SRP19: variants seen among roughly 807,000 people sequenced by gnomAD.
The protein encoded by SRP19 is signal recognition particle 19, also known as signal recognition particle 19 kDa protein.
A neutral mutation model predicts 22.4 loss-of-function variants in SRP19; 11 were observed. That is an observed-to-expected ratio of 0.49 (90% CI 0.31 to 0.81). SRP19 has a LOEUF of 0.81. Among genes scored for constraint, SRP19 ranks in the 40% least tolerant of loss-of-function variants. The probability of loss-of-function intolerance (pLI) is 0.05; values close to 1 mark genes in which losing one functional copy is unlikely to be tolerated. For missense variants in SRP19, 168 were observed against 175.9 expected, an observed-to-expected ratio of 0.96 and a Z score of 0.25; for synonymous variants, 61 against 57.6, an observed-to-expected ratio of 1.06 and a Z score of -0.27.
At chr5:112,878,741 A>C (rs770272571) in intron 4 of SRP19, 1 of 1,610,558 alleles carries the variant, frequency 6.2e-7, no homozygotes, top group Non-Finnish European at 8.5e-7. Flanking sequence ...ATCAAGCTCC[A>C]GTAGGAAGGT....
downstream of SRP19, among the ~76,000 whole-genome samples, chr5:112,871,184 T>G (rs1767750273): frequency 6.6e-6 from 1 of 151,534 alleles, no homozygotes; most frequent in East Asian, 1.9e-4. Context: ...ATTTCAGAAC[T>G]ATTGCTGTAA....
chr5:112,873,271 C>CTTTTTTTTTTTTTTTTTTT (rs35379154), downstream of SRP19, among the ~76,000 whole-genome samples: 2 of 50,720 alleles, frequency 3.9e-5, no homozygotes, highest in Non-Finnish European at 6.7e-5. Flanking sequence ...CTCAGGTTTT[C>CTTTTTTTTTTTTTTTTTTT]TTTTTTTTTT....
exon 5 of SRP19, chr5:112,892,861 AG>A (rs754337896): frequency 1.2e-6 from 2 of 1,612,836 alleles, no homozygotes; most frequent in South Asian, 1.1e-5. Flanking sequence ...GAGTAGTCAT[AG>A]GGGGAAGAAA....
At chr5:112,862,210 C>G (rs1767426061) in intron 1 of SRP19, among the ~76,000 whole-genome samples, 1 of 152,192 alleles carries the variant, frequency 6.6e-6, no homozygotes, top group African/African-American at 2.4e-5. Flanking sequence ...ACAGAATTTT[C>G]TAGGGTTTAA....
chr5:112,863,381 A>G (rs1767478790), intron 2 of SRP19, among the ~76,000 whole-genome samples: 1 of 152,130 alleles, frequency 6.6e-6, no homozygotes, highest in South Asian at 2.1e-4. Flanking sequence ...TAGCAGCACC[A>G]TTGCCGATTT....
chr5:112,865,557 A>G (rs1231269559), intron 4 of SRP19, among the ~76,000 whole-genome samples: 4 of 151,416 alleles, frequency 2.6e-5, no homozygotes, highest in Non-Finnish European at 5.9e-5. Flanking sequence ...CTGTCATTAA[A>G]TTTACTTAAA....
At chr5:112,884,843 A>C (rs1180299737) in intron 4 of SRP19, among the ~76,000 whole-genome samples, 2 of 151,366 alleles carry the variant, frequency 1.3e-5, no homozygotes, top group Non-Finnish European at 2.9e-5. Context: ...ATACTATCTA[A>C]TTTTCAATTT....
intron 4 of SRP19, chr5:112,876,843 T>G (rs1371547373): frequency 1.3e-5 from 2 of 152,146 alleles, no homozygotes; most frequent in African/African-American, 4.8e-5. Context: ...AAAATTGCAT[T>G]CAGAATTTAA....
chr5:112,895,255 A>AAAAAAAAAAAAAAAAAAC (rs1768647584), downstream of SRP19: 1 of 151,366 alleles, frequency 6.6e-6, no homozygotes, highest in Non-Finnish European at 1.5e-5. Context: ...AAAAAAAAAA[A>AAAAAAAAAAAAAAAAAAC]AAATCAGGAG....
In SRP19 at chr5:112,867,640, A is replaced by G. The variant is rs1767651109; in HGVS notation, c.*103A>G. 1 of 1,398,812 alleles carries G rather than the reference A, an allele frequency of 7.1e-7. No homozygotes were observed. The highest frequency in any genetic ancestry group is 1.4e-5 in the African/African-American group (1 of 69,536). The allele number at this position is 1,398,812 out of a possible 1,614,324, so 86.7% of individuals were successfully genotyped here. ...AGAAGCTTTTTGTTTGCATCATTTA[A>G]CTGAACTGTGAACCCTTGTGCCTCT... On this transcript the variant is annotated 3_prime_UTR_variant, in exon 5 of 5. Transcript: ENST00000505459.
chr5:112,887,479 C>G (rs930213931), intron 4 of SRP19, among the ~76,000 whole-genome samples: 6 of 152,064 alleles, frequency 3.9e-5, no homozygotes, highest in Non-Finnish European at 8.8e-5. Flanking sequence ...CTGTAAGAGG[C>G]TTTTATTAAT....
downstream of SRP19, among the ~76,000 whole-genome samples, chr5:112,871,335 GTC>G (rs1337095411): frequency 1.4e-5 from 2 of 146,266 alleles, no homozygotes; most frequent in South Asian, 2.1e-4. Flanking sequence ...TTTGAGACAG[GTC>G]TCTCTTTTTC....
chr5:112,880,966 TA>T (rs897568488), intron 4 of SRP19, among the ~76,000 whole-genome samples: 1 of 151,794 alleles, frequency 6.6e-6, no homozygotes, highest in African/African-American at 2.4e-5. Flanking sequence ...GTGTCTCTAC[TA>T]AAAATACAAG....
chr5:112,871,746 G>A (rs1767767376), downstream of SRP19, among the ~76,000 whole-genome samples: 1 of 152,064 alleles, frequency 6.6e-6, no homozygotes, highest in Non-Finnish European at 1.5e-5. Flanking sequence ...GTGACAGAGT[G>A]AAACTCCGTC....
chr5:112,876,338 T>C (rs142743491), intron 4 of SRP19: 3 of 152,320 alleles, frequency 2.0e-5, no homozygotes, highest in Non-Finnish European at 4.4e-5. Flanking sequence ...CCTTAAATAA[T>C]TCTGGGTTAG....
chr5:112,870,933 A>T (rs758267711), downstream of SRP19, among the ~76,000 whole-genome samples: 1 of 152,124 alleles, frequency 6.6e-6, no homozygotes, highest in South Asian at 2.1e-4. Flanking sequence ...GCTCACTGCA[A>T]TATCTGCCGC....
intron 4 of SRP19, among the ~76,000 whole-genome samples, chr5:112,882,779 A>T (rs1093611): frequency 0.46 from 70,456 of 152,082 alleles, 18,466 homozygotes; most frequent in African/African-American, 0.74. Context: ...ACAGAAAAAG[A>T]TGAGCAGTCC....
chr5:112,871,094 C>T (rs1767747615), downstream of SRP19, among the ~76,000 whole-genome samples: 1 of 152,054 alleles, frequency 6.6e-6, no homozygotes, highest in Non-Finnish European at 1.5e-5. Context: ...CCTCATGATA[C>T]ACCACGCCCA....
chr5:112,874,158 C>G (rs1009037771), downstream of SRP19, among the ~76,000 whole-genome samples: 10 of 151,930 alleles, frequency 6.6e-5, no homozygotes, highest in Non-Finnish European at 1.5e-4. Context: ...AGAGTGAGTC[C>G]TTGTCTCAAA....
Sources: gnomAD v4.1 joint callset for allele counts (sites outside exome capture counted in the v4.1 genomes callset) on GRCh38, gnomAD v4.1.1 for gene constraint, MANE v1.5 for transcripts, NCBI Gene and HGNC (gene_info 2026-07-23, HGNC 2026-07-21) for gene names.